Variants in DNAJC17 observed in about 807,000 individuals in gnomAD.
DNAJC17 encodes the protein DnaJ heat shock protein family (Hsp40) member C17, also known as dnaJ homolog subfamily C member 17.
A neutral mutation model predicts 48.1 loss-of-function variants in DNAJC17; 35 were observed. The observed-to-expected ratio is 0.73, with a 90% confidence interval of 0.56 to 0.96. The LOEUF is 0.96. Among genes scored for constraint, DNAJC17 ranks in the 50% least tolerant of loss-of-function variants. DNAJC17 has a pLI of 0.00. For synonymous variants in DNAJC17, 117 were observed against 142.7 expected (o/e 0.82, Z 1.28); for missense variants, 355 against 377.1 (o/e 0.94, Z 0.48).
intron 1 of DNAJC17, among the ~76,000 whole-genome samples, chr15:40,789,567 A>G (rs1159057581): frequency 6.6e-6 from 1 of 152,010 alleles, no homozygotes; most frequent in African/African-American, 2.4e-5. Flanking sequence ...TCTCATGCCC[A>G]GATCTGCCAG....
intron 1 of DNAJC17, among the ~76,000 whole-genome samples, chr15:40,784,136 A>C (rs1347800881): frequency 1.3e-5 from 2 of 152,102 alleles, no homozygotes; most frequent in Non-Finnish European, 2.9e-5. Flanking sequence ...CTGAGGCAGG[A>C]ACCTGGGAGG....
At chr15:40,771,103 C>T (rs1889126735) in intron 10 of DNAJC17, 1 of 1,339,536 alleles carries the variant, frequency 7.5e-7, no homozygotes. Flanking sequence ...GACAGGACTC[C>T]AGGCCCATCG....
At chr15:40,805,854 A>C (rs1251957299) in intron 1 of DNAJC17, among the ~76,000 whole-genome samples, 3 of 152,096 alleles carry the variant, frequency 2.0e-5, no homozygotes, top group African/African-American at 7.2e-5. Flanking sequence ...AAAAATAATA[A>C]TAATAAAGAA....
rs768697314 is a variant in DNAJC17 at position 40,780,036 on chromosome 15, A to G, written c.79-39T>C. ...ACAGAAGACATGGCCATTCACTCTC[A>G]TCCCAGGGACAAACAGGAAAACCTT... On this transcript the variant is annotated intron_variant, in intron 1 of 10. Coordinates refer to ENST00000220496, the MANE Select transcript of DNAJC17 (RefSeq NM_018163.3). 64 of 1,596,778 alleles carry G rather than the reference A, an allele frequency of 4.0e-5. 1 individual carries two copies. In the Middle Eastern group the frequency reaches 8.3e-4, roughly 21 times the overall value.
chr15:40,778,418 A>T (rs1456456082), intron 4 of DNAJC17, among the ~76,000 whole-genome samples: 22 of 152,032 alleles, frequency 1.4e-4, no homozygotes, highest in Non-Finnish European at 1.5e-5. Context: ...ACACCCAGCT[A>T]ATTTTTGTAT....
At chr15:40,773,874 G>T in intron 9 of DNAJC17, 37 bp from the exon 10 acceptor site, 1 of 1,579,008 alleles carries the variant, frequency 6.3e-7, no homozygotes, top group South Asian at 1.1e-5. Flanking sequence ...CCCATCCGTT[G>T]AGTCAGCTAT....
rs866504189 is a variant in DNAJC17 at position 40,765,624 on chromosome 15, G to A, written c.*2316C>T. ...CTAAAGCTGAGCTTTAAGGCACTAGGGAGGGCGCCTACATTGCTCCTCCTG... is the reference window on the plus strand; with the variant it reads ...CTAAAGCTGAGCTTTAAGGCACTAGAGAGGGCGCCTACATTGCTCCTCCTG... On this transcript the variant is annotated 3_prime_UTR_variant, in exon 11 of 11. Transcript: ENST00000220496. 1 of 382,284 alleles carries A rather than the reference G, an allele frequency of 2.6e-6. No individual in the cohort carries two copies. Among genetic ancestry groups the A allele is most frequent in the African/African-American group, 2.1e-5 (1 of 48,364 alleles). The allele number at this position is 382,284 out of a possible 1,614,324, so 23.7% of individuals were successfully genotyped here. A position where few individuals can be genotyped will look rare whatever the true frequency, so the allele number is the denominator to read the frequency against.
At chr15:40,795,756 G>A (rs1049582187) in intron 1 of DNAJC17, among the ~76,000 whole-genome samples, 2 of 152,142 alleles carry the variant, frequency 1.3e-5, no homozygotes, top group Non-Finnish European at 2.9e-5. Context: ...TTAGCTGGGC[G>A]TGGTGGTGGG....
At chr15:40,794,862 C>T (rs1361802894) in intron 1 of DNAJC17, among the ~76,000 whole-genome samples, 15 of 151,996 alleles carry the variant, frequency 9.9e-5, no homozygotes, top group African/African-American at 3.4e-4. Flanking sequence ...GGATTATAGG[C>T]GCCTGCCACC....
At position 40,778,250 on chromosome 15, in the gene DNAJC17, T is replaced by G. The variant is rs544297297; in HGVS notation, c.295+973A>C. Among the ~76,000 whole-genome samples the G allele has an allele frequency of 7.6e-4, 115 of 152,132 alleles. 1 individual carries two copies. The highest frequency in any genetic ancestry group is 2.6e-3 in the African/African-American group (109 of 41,496). ...GAAATGGTGAATACAAGCACCAATT[T>G]TTTTGTTTTGTTTTGTTTTTTGAGA... On this transcript the variant is annotated intron_variant, in intron 4 of 10. Coordinates refer to ENST00000220496, the MANE Select transcript of DNAJC17 (RefSeq NM_018163.3).
intron 9 of DNAJC17, 113 bp downstream of exon 9, chr15:40,774,243 C>T (rs1889252047): frequency 1.6e-6 from 2 of 1,231,386 alleles, no homozygotes; most frequent in Non-Finnish European, 2.3e-6. Flanking sequence ...TCTAAGCTGG[C>T]CTGGAGATTC....
rs563778319 is a variant in DNAJC17, at chr15:40,769,077, G to A, written c.793-1015C>T. ...ATGCCAGGCCCTGGCCAGCAGGTTT[G>A]GAGTAAGGGGTGTAGAGAAACAGGA... On this transcript the variant is annotated intron_variant, in intron 10 of 10. Transcript: ENST00000220496. The surrounding 1 kb of genome is among the most constrained non-coding windows in gnomAD (Gnocchi z 4.2). Among the ~76,000 whole-genome samples, 1 of 152,338 alleles carries A rather than the reference G, an allele frequency of 6.6e-6. No homozygotes were observed. Among genetic ancestry groups the A allele is most frequent in the East Asian group, 1.9e-4 (1 of 5,190 alleles).
chr15:40,765,739 G>A lies in DNAJC17; in HGVS notation c.*2201C>T, dbSNP rs1888932669. 5.2e-6 allele frequency: 3 copies of A among 582,384 alleles called. No individual in the cohort carries two copies. The Admixed American group carries it at 9.3e-5, about 18-fold the overall frequency. The allele number at this position is 582,384 out of a possible 1,614,324, so 36.1% of individuals were successfully genotyped here. A position where few individuals can be genotyped will look rare whatever the true frequency, so the allele number is the denominator to read the frequency against. On this transcript the variant is annotated 3_prime_UTR_variant, in exon 11 of 11. Transcript: ENST00000220496. ...GTAGCCTTTACCTGAACCTTACTCA[G>A]GGCTAGCAGGCAGGGGAGGAAGGAC...
At chr15:40,800,343 C>T in intron 1 of DNAJC17, among the ~76,000 whole-genome samples, 1 of 152,160 alleles carries the variant, frequency 6.6e-6, no homozygotes, top group Non-Finnish European at 1.5e-5. Context: ...GCTGGGATTA[C>T]AGGCGTGTGC....
At chr15:40,773,355 G>A (rs993839517) in intron 10 of DNAJC17, among the ~76,000 whole-genome samples, 1 of 152,168 alleles carries the variant, frequency 6.6e-6, no homozygotes, top group African/African-American at 2.4e-5. Flanking sequence ...GTGCTGGGAA[G>A]GAAGTGGCTG....
Position 40,767,442 on chromosome 15 carries a change from C to T in DNAJC17, c.*498G>A. 1 of 1,378,464 alleles carries T rather than the reference C, an allele frequency of 7.3e-7. No individual in the cohort carries two copies. The highest frequency in any genetic ancestry group is 9.7e-7 in the Non-Finnish European group (1 of 1,026,354). The allele number at this position is 1,378,464 out of a possible 1,614,324, so 85.4% of individuals were successfully genotyped here. ...CTCCTGCCTCACCGTCTGCCTTGCT[C>T]CTCTCTTCCCAAATCATCACCGCCA... On this transcript the variant is annotated 3_prime_UTR_variant, in exon 11 of 11. Transcript: ENST00000220496.
At chr15:40,791,220 T>C (rs1596092427) in intron 1 of DNAJC17, among the ~76,000 whole-genome samples, 1 of 152,100 alleles carries the variant, frequency 6.6e-6, no homozygotes. Context: ...TGGTAATATA[T>C]TGAGGCTACA....
At chr15:40,796,018 G>T (rs1049516373) in intron 1 of DNAJC17, among the ~76,000 whole-genome samples, 9 of 152,218 alleles carry the variant, frequency 5.9e-5, no homozygotes, top group Admixed American at 5.9e-4. Context: ...TACCGGGTGG[G>T]AATATAGGTC....
chr15:40,794,279 G>A (rs974839711), intron 1 of DNAJC17, among the ~76,000 whole-genome samples: 1 of 151,698 alleles, frequency 6.6e-6, no homozygotes, highest in Non-Finnish European at 1.5e-5. Flanking sequence ...GAACCCAGGA[G>A]GCAGAGGTTG....
Sources: allele counts gnomAD v4.1 joint callset (sites outside exome capture counted in the v4.1 genomes callset), GRCh38; gene constraint gnomAD v4.1.1; non-coding constraint Gnocchi (gnomAD v3.1); transcripts MANE v1.5; gene names NCBI Gene and HGNC (gene_info 2026-07-23, HGNC 2026-07-21).